Variants in DMD observed in about 807,000 individuals in gnomAD.
DMD encodes the protein dystrophin.
Under a neutral mutation model 330.1 loss-of-function variants are expected in DMD, and 63 were observed. That is an observed-to-expected ratio of 0.19 (90% CI 0.16 to 0.24). The LOEUF (loss-of-function observed/expected upper bound fraction) is 0.24. Ranked by LOEUF, DMD falls within the 10% of genes least tolerant of loss-of-function variation. The pLI, the probability that DMD is intolerant of heterozygous loss-of-function variation, is 1.00. For synonymous variants in DMD, 1,223 were observed against 959.8 expected (o/e 1.27, Z -5.07); for missense variants, 3,344 against 2,684.1 (o/e 1.25, Z -5.43).
chrX:31,611,713 C>A (rs2077929042), intron 55 of DMD, among the ~76,000 whole-genome samples: 1 of 110,837 alleles, frequency 9.0e-6, no homozygotes, highest in African/African-American at 3.3e-5. Flanking sequence ...AGCATGAGCT[C>A]CCACACCCAG....
intron 16 of DMD, among the ~76,000 whole-genome samples, chrX:32,555,295 C>G (rs146624490): frequency 0.025 from 2,820 of 111,228 alleles, 76 homozygotes; most frequent in African/African-American, 0.087. Flanking sequence ...ATCGAAGGAA[C>G]ATACCTCAAA....
At chrX:32,897,457 A>C (rs1439883338) in intron 2 of DMD, among the ~76,000 whole-genome samples, 2 of 110,446 alleles carry the variant, frequency 1.8e-5, no homozygotes, top group Non-Finnish European at 3.8e-5. Context: ...TCATTTAAAA[A>C]CCTCATAGTT....
At chrX:32,596,932 A>G (rs1213302457) in intron 12 of DMD, among the ~76,000 whole-genome samples, 1 of 111,567 alleles carries the variant, frequency 9.0e-6, no homozygotes, top group Non-Finnish European at 1.9e-5. Flanking sequence ...ATAAAAACCA[A>G]TAGATTTCTA....
chrX:31,397,544 A>G (rs2060997996), intron 60 of DMD, among the ~76,000 whole-genome samples: 1 of 112,536 alleles, frequency 8.9e-6, no homozygotes. Flanking sequence ...TAATCTCTTT[A>G]TCTGTTGCAT....
chrX:31,207,455 T>C (rs1602705140), intron 65 of DMD, among the ~76,000 whole-genome samples: 1 of 111,858 alleles, frequency 8.9e-6, no homozygotes, highest in Middle Eastern at 4.7e-3. Context: ...AAGTTTTCCA[T>C]TTTGTAGAAA....
chrX:31,814,273 A>C (rs1298573238), intron 50 of DMD, among the ~76,000 whole-genome samples: 2 of 108,303 alleles, frequency 1.8e-5, no homozygotes, highest in Admixed American at 9.9e-5. Context: ...CGAGGTCAGG[A>C]GATCGAGACC....
intron 43 of DMD, among the ~76,000 whole-genome samples, chrX:32,264,554 G>A (rs2097336618): frequency 8.9e-6 from 1 of 111,976 alleles, no homozygotes; most frequent in Non-Finnish European, 1.9e-5. Context: ...TAGAGAATTG[G>A]AGGGGTCAGA....
chrX:32,879,527 C>A (rs139385907), intron 2 of DMD, among the ~76,000 whole-genome samples: 178 of 112,366 alleles, frequency 1.6e-3, no homozygotes, highest in African/African-American at 5.6e-3. Context: ...CAGTTATTGA[C>A]AAGTGATCGT....
chrX:33,194,398 T>C (rs1317386083), intron 1 of DMD, among the ~76,000 whole-genome samples: 2 of 110,680 alleles, frequency 1.8e-5, no homozygotes, highest in East Asian at 5.7e-4. Context: ...TCTCTGCTTT[T>C]GGCATACGGA....
At chrX:32,836,640 C>T (rs2079657948) in intron 4 of DMD, among the ~76,000 whole-genome samples, 1 of 111,434 alleles carries the variant, frequency 9.0e-6, no homozygotes, top group Admixed American at 9.6e-5. Context: ...AAATCAAAGA[C>T]AAAAATTCAA....
At chrX:31,858,897 G>T (rs1238927528) in intron 48 of DMD, among the ~76,000 whole-genome samples, 1 of 111,489 alleles carries the variant, frequency 9.0e-6, no homozygotes, top group Non-Finnish European at 1.9e-5. Flanking sequence ...GCTTCAAGTT[G>T]CTCCAACTTT....
chrX:32,616,322 C>A (rs959140919), intron 11 of DMD, among the ~76,000 whole-genome samples: 1 of 110,746 alleles, frequency 9.0e-6, no homozygotes, highest in Non-Finnish European at 1.9e-5. Flanking sequence ...ATTCCCTCTC[C>A]GTGAGGGCAG....
chrX:32,455,532 A>C (rs1247521682), intron 25 of DMD, among the ~76,000 whole-genome samples: 1 of 111,407 alleles, frequency 9.0e-6, no homozygotes, highest in African/African-American at 3.2e-5. Flanking sequence ...ACAACCTTTT[A>C]GATAGTAAGA....
intron 44 of DMD, among the ~76,000 whole-genome samples, chrX:32,122,813 G>C (rs2096642649): frequency 9.0e-6 from 1 of 111,254 alleles, no homozygotes; most frequent in Non-Finnish European, 1.9e-5. Flanking sequence ...TTCAGTGGTA[G>C]TTTTTAAATT....
chrX:32,524,225 C>T (rs888491766), intron 17 of DMD, among the ~76,000 whole-genome samples: 1 of 111,829 alleles, frequency 8.9e-6, no homozygotes, highest in Non-Finnish European at 1.9e-5. Flanking sequence ...TGAGCCACCG[C>T]GCCCGGCCCC....
chrX:31,624,701 CT>C (rs747078683), intron 55 of DMD, among the ~76,000 whole-genome samples: 36 of 109,780 alleles, frequency 3.3e-4, no homozygotes, highest in African/African-American at 1.1e-3. Flanking sequence ...TTCAAATTTC[CT>C]TTTTTTTTAA....
chrX:32,686,620 C>A (rs1603015655), intron 9 of DMD, among the ~76,000 whole-genome samples: 1 of 103,218 alleles, frequency 9.7e-6, no homozygotes, highest in Non-Finnish European at 2.0e-5. Context: ...TCTAAGTTTT[C>A]ATTTTCAATC....
chrX:31,944,944 T>C (rs1457443408), intron 45 of DMD, among the ~76,000 whole-genome samples: 1 of 112,012 alleles, frequency 8.9e-6, no homozygotes, highest in East Asian at 2.8e-4. Flanking sequence ...AAAATTGAAA[T>C]AATCCATTAG....
At chrX:31,542,009 G>A (rs2073857010) in intron 55 of DMD, among the ~76,000 whole-genome samples, 1 of 111,783 alleles carries the variant, frequency 8.9e-6, no homozygotes, top group African/African-American at 3.3e-5. Context: ...TTTAAAGAAC[G>A]TGGCTACTAG....
Sources: allele counts gnomAD v4.1 joint callset (sites outside exome capture counted in the v4.1 genomes callset), GRCh38; gene constraint gnomAD v4.1.1; transcripts MANE v1.5; gene names NCBI Gene and HGNC (gene_info 2026-07-23, HGNC 2026-07-21).